ZNF723: variants seen among roughly 807,000 people sequenced by gnomAD.
ZNF723 encodes zinc finger protein 723, pseudogene.
Under a neutral mutation model 9.4 loss-of-function variants are expected in ZNF723, and 5 were observed. That is an observed-to-expected ratio of 0.53 (90% CI 0.28 to 1.12). The LOEUF is 1.12. Among genes scored for constraint, ZNF723 ranks in the 50% most tolerant of loss-of-function variants. The pLI, the probability that ZNF723 is intolerant of heterozygous loss-of-function variation, is 0.10. For synonymous variants in ZNF723, 158 were observed against 168.8 expected (o/e 0.94, Z 0.49); for missense variants, 450 against 501.5 (o/e 0.90, Z 0.98).
intron 1 of ZNF723, among the ~76,000 whole-genome samples, chr19:22,846,432 G>T (rs1435730037): frequency 6.6e-6 from 1 of 152,154 alleles, no homozygotes; most frequent in African/African-American, 2.4e-5. Context: ...AGAGCAGCCT[G>T]GCCAACATGG....
At chr19:22,815,184 T>A in the ZNF723 span, among the ~76,000 whole-genome samples, 10 of 152,090 alleles carry the variant, frequency 6.6e-5, no homozygotes, top group African/African-American at 2.4e-4. Flanking sequence ...GCCCCACATA[T>A]TTTAGGTATT....
intron 3 of ZNF723, among the ~76,000 whole-genome samples, chr19:22,854,351 A>C (rs531438494): frequency 6.6e-6 from 1 of 152,120 alleles, no homozygotes; most frequent in Non-Finnish European, 1.5e-5. Flanking sequence ...TAGAATGTGT[A>C]TGTCCGTCTT....
At chr19:22,846,443 C>T (rs553362613) in intron 1 of ZNF723, among the ~76,000 whole-genome samples, 2 of 152,018 alleles carry the variant, frequency 1.3e-5, no homozygotes, top group African/African-American at 2.4e-5. Context: ...GCCAACATGG[C>T]GAAACCTCAT....
At chr19:22,838,910 G>T (rs1967202946) in intron 1 of ZNF723, among the ~76,000 whole-genome samples, 1 of 151,976 alleles carries the variant, frequency 6.6e-6, no homozygotes, top group African/African-American at 2.4e-5. Context: ...ACTATGCCTG[G>T]CTAATTTTGT....
rs1967494356 is a variant in ZNF723 at position 22,857,365 on chromosome 19, A to T, written c.474A>T (p.Ser158=). Reference sequence around the variant, plus strand: ...ATGTAAAAGTCTTTCATAAATTTTCAAGTTCAAATAGCCAGAAGATAAGAC... The same window carrying T: ...ATGTAAAAGTCTTTCATAAATTTTCTAGTTCAAATAGCCAGAAGATAAGAC... The part of the protein sequence containing the change: ...DKYVKVFHKF[S]SSNSQKIRHT... Residue 158 remains serine, a synonymous_variant, in exon 4 of 4, where the codon TCA becomes TCT. Transcript: ENST00000600766. The T allele has an allele frequency of 1.2e-6, 1 of 828,604 alleles. No individual in the cohort carries two copies. Among genetic ancestry groups the T allele is most frequent in the African/African-American group, 1.7e-5 (1 of 59,536 alleles). The allele number at this position is 828,604 out of a possible 1,614,324, so 51.3% of individuals were successfully genotyped here.
At chr19:22,851,786 T>C (rs546524746) in intron 3 of ZNF723, among the ~76,000 whole-genome samples, 1 of 152,184 alleles carries the variant, frequency 6.6e-6, no homozygotes, top group African/African-American at 2.4e-5. Flanking sequence ...AAGTATTACT[T>C]GTTAGAACTT....
the ZNF723 span, among the ~76,000 whole-genome samples, chr19:22,813,046 T>A: frequency 6.6e-6 from 1 of 152,178 alleles, no homozygotes. Context: ...TGATCTTGGC[T>A]GACTGCAACC....
At chr19:22,831,279 G>A (rs1354739236), upstream of ZNF723, among the ~76,000 whole-genome samples, 1 of 152,156 alleles carries the variant, frequency 6.6e-6, no homozygotes, top group Admixed American at 6.5e-5. Flanking sequence ...GGCAATGGCC[G>A]GGTGCAGTGA....
At chr19:22,843,168 T>C (rs1967269922) in intron 1 of ZNF723, among the ~76,000 whole-genome samples, 1 of 152,228 alleles carries the variant, frequency 6.6e-6, no homozygotes, top group South Asian at 2.1e-4. Flanking sequence ...ATCCAGGTTC[T>C]GGAGCTTCTC....
rs8108299 is a variant in ZNF723 at position 22,846,631 on chromosome 19, A to G, written c.4-1630A>G. ...CAATGAGACTCTGTCTCAAGAAAAA[A>G]TGATGAGATTTATTACCCAGAAAGT... On this transcript the variant is annotated intron_variant, in intron 1 of 3. Coordinates refer to ENST00000600766, the MANE Select transcript of ZNF723 (RefSeq NM_001349726.2). Among the ~76,000 whole-genome samples the G allele has an allele frequency of 8.5e-3, 1,294 of 152,170 alleles. 20 individuals carry two copies. The highest frequency in any genetic ancestry group is 0.03 in the African/African-American group (1,226 of 41,512).
intron 1 of ZNF723, among the ~76,000 whole-genome samples, chr19:22,846,971 T>A (rs182359393): frequency 7.4e-4 from 112 of 151,886 alleles, no homozygotes; most frequent in Middle Eastern, 6.8e-3. Context: ...TATCAGCACA[T>A]CATACAAATT....
At chr19:22,834,384 C>T (rs1329744752) in intron 1 of ZNF723, among the ~76,000 whole-genome samples, 2 of 151,854 alleles carry the variant, frequency 1.3e-5, no homozygotes, top group African/African-American at 2.4e-5. Flanking sequence ...GTGTCTTTCT[C>T]TTTATCTTCC....
Position 22,858,608 on chromosome 19 carries a change from C to CA in ZNF723, c.*183dup, listed in dbSNP as rs1166074490. 27 of 438,668 alleles carry CA rather than the reference C, an allele frequency of 6.2e-5. No individual in the cohort carries two copies. The highest frequency in any genetic ancestry group is 8.7e-5 in the Non-Finnish European group (22 of 252,244). The allele number at this position is 438,668 out of a possible 1,614,324, so 27.2% of individuals were successfully genotyped here. On this transcript the variant is annotated 3_prime_UTR_variant, in exon 4 of 4. Transcript: ENST00000600766. ...GTGAAACAACGTCTCTACTAAAATACAAAAAAAATTAGCCGGGTGTAGTGG... is the reference window on the plus strand; with the variant it reads ...GTGAAACAACGTCTCTACTAAAATACAAAAAAAAATTAGCCGGGTGTAGTGG...
chr19:22,819,631 CT>C, the ZNF723 span, among the ~76,000 whole-genome samples: 1 of 152,190 alleles, frequency 6.6e-6, no homozygotes, highest in Non-Finnish European at 1.5e-5. Context: ...TTATGGCACT[CT>C]TTTTTACTTT....
chr19:22,853,191 A>T (rs1967421947), intron 3 of ZNF723, among the ~76,000 whole-genome samples: 1 of 151,982 alleles, frequency 6.6e-6, no homozygotes. Context: ...TAACTTTTAT[A>T]TTCATAGTAA....
chr19:22,843,970 C>T (rs1354622410), intron 1 of ZNF723, among the ~76,000 whole-genome samples: 1 of 152,126 alleles, frequency 6.6e-6, no homozygotes, highest in Non-Finnish European at 1.5e-5. Flanking sequence ...CAGAATTCTA[C>T]ATAAGGTCCA....
intron 1 of ZNF723, among the ~76,000 whole-genome samples, chr19:22,839,550 T>C (rs1257359817): frequency 6.7e-6 from 1 of 150,320 alleles, no homozygotes; most frequent in Non-Finnish European, 1.5e-5. Flanking sequence ...GATTGCAGTC[T>C]CCACCTCCTG....
intron 1 of ZNF723, among the ~76,000 whole-genome samples, chr19:22,846,819 T>TC (rs1230868065): frequency 4.5e-5 from 6 of 132,626 alleles, no homozygotes; most frequent in Non-Finnish European, 9.6e-5. Flanking sequence ...TTTCCTTTTT[T>TC]TTTTTTTTTT....
chr19:22,845,638 G>T (rs1393744775), intron 1 of ZNF723, among the ~76,000 whole-genome samples: 1 of 152,088 alleles, frequency 6.6e-6, no homozygotes, highest in Non-Finnish European at 1.5e-5. Context: ...CTAAAGAGAG[G>T]AAAGGAGAAA....
Sources: allele counts gnomAD v4.1 joint callset (sites outside exome capture counted in the v4.1 genomes callset), GRCh38; gene constraint gnomAD v4.1.1; transcripts MANE v1.5; gene names NCBI Gene and HGNC (gene_info 2026-07-23, HGNC 2026-07-21).